Variants in AGBL4 observed in about 807,000 individuals in gnomAD.
The protein encoded by AGBL4 is cytosolic carboxypeptidase 6.
AGBL4 carries 58 observed loss-of-function variants against 66.4 expected under a neutral mutation model. The ratio of observed to expected loss-of-function variants is 0.87; its 90% CI spans 0.71 to 1.09. The LOEUF (loss-of-function observed/expected upper bound fraction) is 1.09, where lower values mean the gene tolerates loss of function less well. AGBL4 is among the 50% of genes least tolerant of loss of function. AGBL4 has a pLI of 0.00. For synonymous variants in AGBL4, 234 were observed against 222.9 expected (o/e 1.05, Z -0.44); for missense variants, 579 against 631.0 (o/e 0.92, Z 0.88).
the AGBL4 span, among the ~76,000 whole-genome samples, chr1:48,527,437 A>G: frequency 6.6e-6 from 1 of 151,970 alleles, no homozygotes; most frequent in Non-Finnish European, 1.5e-5. Context: ...TCTACTAAAA[A>G]AATACAAAAA....
rs35463441 is a variant in AGBL4 at position 49,036,724 on chromosome 1, A to ATTT, written c.594+8857_594+8859dup. The stretch of plus-strand genomic sequence containing the variant: ...AGGCACACACCACCATGCTCAGCTA[A>ATTT]TTTTTTTTTTTTTTTTTTGTAGTAA... On this transcript the variant is annotated intron_variant, in intron 5 of 13. Transcript: ENST00000371839. Among the ~76,000 whole-genome samples the ATTT allele has an allele frequency of 8.8e-4, 123 of 139,364 alleles. 1 individual carries two copies. Among genetic ancestry groups the ATTT allele is most frequent in the East Asian group, 7.8e-3 (37 of 4,754 alleles). 91.4% of individuals were successfully genotyped at this position (139,364 alleles called of 152,430 possible).
intron 4 of AGBL4, among the ~76,000 whole-genome samples, chr1:49,202,706 T>C (rs1270136565): frequency 1.3e-5 from 2 of 152,072 alleles, no homozygotes; most frequent in South Asian, 2.1e-4. Context: ...TAGGCAATGC[T>C]TTCTTGGATA....
chr1:49,493,476 A>C (rs1647263807), intron 3 of AGBL4, among the ~76,000 whole-genome samples: 1 of 152,076 alleles, frequency 6.6e-6, no homozygotes, highest in Non-Finnish European at 1.5e-5. Context: ...CATTTCACTG[A>C]CATCTGAAAG....
chr1:49,279,494 T>C lies in AGBL4; in HGVS notation c.283-33630A>G, dbSNP rs556823070. Among the ~76,000 whole-genome samples, 40 of 152,118 alleles carry C rather than the reference T, an allele frequency of 2.6e-4. No homozygotes were observed. In the East Asian group the frequency reaches 4.8e-3, roughly 18 times the overall value. On this transcript the variant is annotated intron_variant, in intron 3 of 13. Coordinates refer to ENST00000371839, the MANE Select transcript of AGBL4 (RefSeq NM_032785.4). The stretch of plus-strand genomic sequence containing the variant: ...AAACAGAGAAAGCAATATGGGAAAA[T>C]GCCTGTCTTTGGGCATGGTATGGGG...
At chr1:49,619,753 G>A (rs1231727135) in intron 3 of AGBL4, among the ~76,000 whole-genome samples, 3 of 152,094 alleles carry the variant, frequency 2.0e-5, no homozygotes, top group African/African-American at 7.2e-5. Context: ...AAACAGCATG[G>A]TACTGGTACC....
At chr1:49,840,164 T>C (rs1372022985) in intron 2 of AGBL4, among the ~76,000 whole-genome samples, 1 of 152,176 alleles carries the variant, frequency 6.6e-6, no homozygotes, top group Admixed American at 6.5e-5. Flanking sequence ...TATTGGTCTA[T>C]TCAGAATTTC....
intron 4 of AGBL4, among the ~76,000 whole-genome samples, chr1:49,069,010 T>A (rs1388672934): frequency 6.6e-6 from 1 of 152,242 alleles, no homozygotes; most frequent in Non-Finnish European, 1.5e-5. Flanking sequence ...CATGTTTCTG[T>A]TGGCTGCATA....
chr1:48,961,745 C>A (rs1022700403), intron 5 of AGBL4, among the ~76,000 whole-genome samples: 1 of 152,208 alleles, frequency 6.6e-6, no homozygotes, highest in African/African-American at 2.4e-5. Context: ...ACCAGGCTGA[C>A]AAAAGAGGCC....
intron 3 of AGBL4, among the ~76,000 whole-genome samples, chr1:49,683,191 A>G (rs1336210012): frequency 6.6e-6 from 1 of 152,192 alleles, no homozygotes; most frequent in Non-Finnish European, 1.5e-5. Context: ...CAGGCAAAAA[A>G]GGCACTGGCT....
At chr1:49,549,846 G>A (rs1263371789) in intron 3 of AGBL4, among the ~76,000 whole-genome samples, 1 of 152,082 alleles carries the variant, frequency 6.6e-6, no homozygotes, top group African/African-American at 2.4e-5. Flanking sequence ...TTGATTTTCT[G>A]CCTTGATAAG....
chr1:48,841,495 G>C (rs1646802123), intron 6 of AGBL4, among the ~76,000 whole-genome samples: 1 of 147,194 alleles, frequency 6.8e-6, no homozygotes, highest in African/African-American at 2.5e-5. Flanking sequence ...AGTTTCTAAA[G>C]CCAGAGCAGC....
intron 3 of AGBL4, among the ~76,000 whole-genome samples, chr1:49,250,181 C>T (rs1311551981): frequency 6.6e-6 from 1 of 152,042 alleles, no homozygotes; most frequent in Non-Finnish European, 1.5e-5. Context: ...TAGTTAATGA[C>T]AATTTATTAT....
chr1:49,204,806 G>A (rs1348165475), intron 4 of AGBL4, among the ~76,000 whole-genome samples: 1 of 152,074 alleles, frequency 6.6e-6, no homozygotes, highest in African/African-American at 2.4e-5. Flanking sequence ...ACAGACACTT[G>A]AGAACATGTC....
chr1:48,681,594 G>A (rs1364516484), intron 6 of AGBL4, among the ~76,000 whole-genome samples: 1 of 152,154 alleles, frequency 6.6e-6, no homozygotes. Flanking sequence ...AGCCAGGGTC[G>A]AGTTAACCTC....
intron 4 of AGBL4, among the ~76,000 whole-genome samples, chr1:49,218,778 T>A (rs568150885): frequency 2.6e-5 from 4 of 152,222 alleles, no homozygotes; most frequent in African/African-American, 9.6e-5. Context: ...ATTCCACGTG[T>A]CATGGGAGGG....
rs190073498 is a variant in AGBL4, at chr1:49,749,663, T to C, written c.158-52226A>G. ...TTTAAGAATTCCATTCACGGTTATA[T>C]CAAAAAAACACAGGATACCTAGAAA... is the stretch of plus-strand genomic sequence containing the variant. On this transcript the variant is annotated intron_variant, in intron 2 of 13. Coordinates refer to ENST00000371839, the MANE Select transcript of AGBL4 (RefSeq NM_032785.4). Among the ~76,000 whole-genome samples, 425 of 152,124 alleles carry C rather than the reference T, an allele frequency of 2.8e-3. 3 individuals are homozygous for C. The highest frequency in any genetic ancestry group is 1.0e-2 in the South Asian group (48 of 4,816).
chr1:49,662,807 A>C (rs1284591936), intron 3 of AGBL4, among the ~76,000 whole-genome samples: 1 of 152,126 alleles, frequency 6.6e-6, no homozygotes, highest in Non-Finnish European at 1.5e-5. Flanking sequence ...CTACATTTGG[A>C]GAATGAAAGA....
intron 12 of AGBL4, among the ~76,000 whole-genome samples, chr1:48,535,555 G>C (rs1643955946): frequency 6.6e-6 from 1 of 152,094 alleles, no homozygotes; most frequent in Non-Finnish European, 1.5e-5. Context: ...TGAACTTTCT[G>C]TCTTATCTTT....
chr1:48,924,106 T>C (rs187854161), intron 5 of AGBL4, among the ~76,000 whole-genome samples: 2 of 152,230 alleles, frequency 1.3e-5, no homozygotes, highest in Admixed American at 6.6e-5. Context: ...GTAAAAACTA[T>C]AGCTTTACAA....
Sources: allele counts gnomAD v4.1 joint callset (sites outside exome capture counted in the v4.1 genomes callset), GRCh38; gene constraint gnomAD v4.1.1; transcripts MANE v1.5; gene names NCBI Gene and HGNC (gene_info 2026-07-23, HGNC 2026-07-21).